PHYHIPL: variants seen among roughly 807,000 people sequenced by gnomAD.
PHYHIPL encodes phytanoyl-CoA 2-hydroxylase interacting protein like.
Under a neutral mutation model 33.4 loss-of-function variants are expected in PHYHIPL, and 9 were observed. The observed-to-expected ratio is 0.27, with a 90% CI of 0.16 to 0.47. PHYHIPL has a LOEUF of 0.47. Among genes scored for constraint, PHYHIPL ranks in the 20% least tolerant of loss-of-function variants. The probability of loss-of-function intolerance (pLI) is 0.99; values close to 1 mark genes in which losing one functional copy is unlikely to be tolerated. For synonymous variants in PHYHIPL, 153 were observed against 154.1 expected (o/e 0.99, Z 0.05); for missense variants, 365 against 460.7 (o/e 0.79, Z 1.90).
intron 1 of PHYHIPL, among the ~76,000 whole-genome samples, chr10:59,207,441 G>A (rs1177255396): frequency 6.6e-6 from 1 of 152,164 alleles, no homozygotes; most frequent in African/African-American, 2.4e-5. Flanking sequence ...CGCAAACCAG[G>A]AGATTCCCTC....
intron 1 of PHYHIPL, among the ~76,000 whole-genome samples, chr10:59,209,500 C>A (rs1198307672): frequency 6.6e-6 from 1 of 152,144 alleles, no homozygotes; most frequent in African/African-American, 2.4e-5. Context: ...ACCATCGATG[C>A]TATGAAGAAA....
intron 1 of PHYHIPL, among the ~76,000 whole-genome samples, chr10:59,223,287 G>A (rs1839830361): frequency 6.6e-6 from 1 of 152,098 alleles, no homozygotes; most frequent in Non-Finnish European, 1.5e-5. Flanking sequence ...AACTTTGTTC[G>A]ATCCTTCTTG....
chr10:59,179,915 G>A (rs865888446), intron 1 of PHYHIPL, among the ~76,000 whole-genome samples: 9 of 147,532 alleles, frequency 6.1e-5, no homozygotes, highest in Middle Eastern at 7.9e-3. Context: ...CCCTAGGCAT[G>A]TGTACTTTGT....
chr10:59,243,701 T>G (rs745413086), intron 4 of PHYHIPL, among the ~76,000 whole-genome samples: 2 of 151,912 alleles, frequency 1.3e-5, no homozygotes, highest in Non-Finnish European at 2.9e-5. Flanking sequence ...TTCCCTTACT[T>G]GAGTAGTAGC....
intron 1 of PHYHIPL, among the ~76,000 whole-genome samples, chr10:59,198,915 C>T (rs1473644955): frequency 6.6e-6 from 1 of 152,002 alleles, no homozygotes; most frequent in Non-Finnish European, 1.5e-5. Context: ...TGATTTTTTT[C>T]TTGTAAATTT....
chr10:59,194,507 G>T (rs1432423860), intron 1 of PHYHIPL, among the ~76,000 whole-genome samples: 6 of 152,126 alleles, frequency 3.9e-5, no homozygotes, highest in Non-Finnish European at 7.4e-5. Flanking sequence ...GATAATGTGT[G>T]TGTATTTATT....
At chr10:59,198,072 A>G (rs1838973184) in intron 1 of PHYHIPL, among the ~76,000 whole-genome samples, 1 of 151,962 alleles carries the variant, frequency 6.6e-6, no homozygotes, top group South Asian at 2.1e-4. Flanking sequence ...TTATTATTAT[A>G]CTTTAAGTTC....
chr10:59,246,080 A>G lies in PHYHIPL; in HGVS notation c.*489A>G, dbSNP rs2133316710. On this transcript the variant is annotated 3_prime_UTR_variant, in exon 5 of 5. Transcript: ENST00000373880. Reference sequence around the variant, plus strand: ...AACTTCTTGTTTGACAGTGTTATTTATGTTATTTATATTAGCTAACAGGAA... The same window carrying G: ...AACTTCTTGTTTGACAGTGTTATTTGTGTTATTTATATTAGCTAACAGGAA... 6.5e-6 allele frequency: 1 copy of G among 153,352 alleles called. No homozygotes were observed. 9.5% of individuals were successfully genotyped at this position (153,352 alleles called of 1,614,324 possible). A position where few individuals can be genotyped will look rare whatever the true frequency, so the allele number is the denominator to read the frequency against.
chr10:59,231,379 G>A (rs542033244), intron 1 of PHYHIPL, among the ~76,000 whole-genome samples: 75 of 152,026 alleles, frequency 4.9e-4, no homozygotes, highest in African/African-American at 1.8e-3. Context: ...TGATTCAGAA[G>A]GCTAAAAAAA....
intron 1 of PHYHIPL, among the ~76,000 whole-genome samples, chr10:59,181,229 G>C (rs547323112): frequency 6.6e-6 from 1 of 152,072 alleles, no homozygotes; most frequent in African/African-American, 2.4e-5. Context: ...TATTGTCCAC[G>C]TAACTTCTTG....
Position 59,246,434 on chromosome 10 carries a change from C to T in PHYHIPL, c.*843C>T. 1 of 366,654 alleles carries T rather than the reference C, an allele frequency of 2.7e-6. No homozygotes were observed. Among genetic ancestry groups the T allele is most frequent in the Non-Finnish European group, 4.9e-6 (1 of 205,960 alleles). 22.7% of individuals were successfully genotyped at this position (366,654 alleles called of 1,614,324 possible). A position where few individuals can be genotyped will look rare whatever the true frequency, so the allele number is the denominator to read the frequency against. On this transcript the variant is annotated 3_prime_UTR_variant, in exon 5 of 5. Transcript: ENST00000373880. ...TTTCTGAAATAGTCAATAGTCTTCC[C>T]ATCCAAACTATAAGAGAATGTGAAT...
In PHYHIPL at chr10:59,223,813, C is replaced by A. The variant is rs529931431; in HGVS notation, c.107-10491C>A. On this transcript the variant is annotated intron_variant, in intron 1 of 4. Coordinates refer to ENST00000373880, the MANE Select transcript of PHYHIPL (RefSeq NM_032439.4). ...TAGCTGAGACTAGGGGTGCATGCCACCACACCCAGCTAATTTTTGGATTTT... is the reference window on the plus strand; with the variant it reads ...TAGCTGAGACTAGGGGTGCATGCCAACACACCCAGCTAATTTTTGGATTTT... Among the ~76,000 whole-genome samples the A allele has an allele frequency of 9.2e-5, 14 of 152,038 alleles. No homozygotes were observed. The South Asian group carries it at 2.9e-3, about 32-fold the overall frequency.
intron 1 of PHYHIPL, among the ~76,000 whole-genome samples, chr10:59,202,007 T>C (rs1839133852): frequency 6.6e-6 from 1 of 151,926 alleles, no homozygotes. Context: ...GTTGAGAAAA[T>C]ATATGAGCTA....
At chr10:59,240,174 C>T (rs1182398076) in intron 4 of PHYHIPL, among the ~76,000 whole-genome samples, 2 of 152,002 alleles carry the variant, frequency 1.3e-5, no homozygotes, top group African/African-American at 2.4e-5. Context: ...ACCCTAGAGT[C>T]CATATATTTC....
chr10:59,246,275 T>C lies in PHYHIPL; in HGVS notation c.*684T>C, dbSNP rs1006780385. ...AAAGATGTAATTTGTAAACCTCAAA[T>C]AGTTGTGTATCTGTCCTGTTAGAAG... On this transcript the variant is annotated 3_prime_UTR_variant, in exon 5 of 5. Coordinates refer to ENST00000373880, the MANE Select transcript of PHYHIPL (RefSeq NM_032439.4). 5.5e-5 allele frequency: 9 copies of C among 164,894 alleles called. No homozygotes were observed. The highest frequency in any genetic ancestry group is 2.1e-4 in the African/African-American group (9 of 42,132). The allele number at this position is 164,894 out of a possible 1,614,324, so 10.2% of individuals were successfully genotyped here. A position where few individuals can be genotyped will look rare whatever the true frequency, so the allele number is the denominator to read the frequency against.
At chr10:59,212,796 T>C (rs1839499738) in intron 1 of PHYHIPL, among the ~76,000 whole-genome samples, 1 of 152,174 alleles carries the variant, frequency 6.6e-6, no homozygotes, top group South Asian at 2.1e-4. Context: ...AACCAAACTG[T>C]AATTGAAGTG....
At chr10:59,188,987 CTT>C (rs1838702605) in intron 1 of PHYHIPL, among the ~76,000 whole-genome samples, 1 of 151,976 alleles carries the variant, frequency 6.6e-6, no homozygotes, top group Non-Finnish European at 1.5e-5. Context: ...TCCAGGTACA[CTT>C]ATAATTCTAT....
At chr10:59,192,686 AAAC>A (rs1282714238) in intron 1 of PHYHIPL, among the ~76,000 whole-genome samples, 1 of 152,160 alleles carries the variant, frequency 6.6e-6, no homozygotes, top group African/African-American at 2.4e-5. Context: ...GGGTGGAATT[AAAC>A]AACATTTCTG....
chr10:59,209,097 G>A (rs1839370913), intron 1 of PHYHIPL, among the ~76,000 whole-genome samples: 1 of 151,918 alleles, frequency 6.6e-6, no homozygotes, highest in African/African-American at 2.4e-5. Flanking sequence ...GATACTCCTC[G>A]AGAAGAGCAA....
Sources: gnomAD v4.1 joint callset for allele counts (sites outside exome capture counted in the v4.1 genomes callset) on GRCh38, gnomAD v4.1.1 for gene constraint, MANE v1.5 for transcripts, NCBI Gene and HGNC (gene_info 2026-07-23, HGNC 2026-07-21) for gene names.